POLE: variants seen among roughly 807,000 people sequenced by gnomAD.
The protein encoded by POLE is DNA polymerase epsilon catalytic subunit A.
A neutral mutation model predicts 279.2 loss-of-function variants in POLE; 188 were observed. That is an observed-to-expected ratio of 0.67 (90% confidence interval 0.60 to 0.76). The LOEUF (loss-of-function observed/expected upper bound fraction) is 0.76. Among genes scored for constraint, POLE ranks in the 30% least tolerant of loss-of-function variants. POLE has a pLI of 0.00. For synonymous variants in POLE, 1,214 were observed against 1,172.5 expected, an observed-to-expected ratio of 1.04 and a Z score of -0.72; for missense variants, 2,703 against 3,016.7, an observed-to-expected ratio of 0.90 and a Z score of 2.44.
At chr12:132,676,226 C>G in intron 9 of POLE, 22 bp from the exon 10 acceptor site, 6 of 1,518,784 alleles carry the variant, frequency 4.0e-6, no homozygotes, top group Non-Finnish European at 5.5e-6. Flanking sequence ...CATTAGCAAT[C>G]AGCACAAGTC....
intron 14 of POLE, 139 bp from the exon 15 acceptor site, chr12:132,672,978 G>A: frequency 1.2e-6 from 1 of 845,706 alleles, no homozygotes; most frequent in Non-Finnish European, 1.9e-6. Context: ...TCTGCCTCCT[G>A]TGGTTTCTTC....
rs2042069041 is a variant in POLE at position 132,638,042 on chromosome 12, T to C, written c.5650A>G (p.Ile1884Val). The change falls in exon 41 of 49, where the codon ATC becomes GTC. Residue 1884 changes from isoleucine (I) to valine (V), a missense_variant. By Grantham distance (29) the Ile-to-Val change is conservative. Coordinates refer to ENST00000320574, the MANE Select transcript of POLE (RefSeq NM_006231.4). ...CTKKRRVEDA[I>V]AYVEYITSSI... ...CTGGTGATGTACTCCACGTAAGCGA[T>C]GGCATCTTCCACACGGCGCTTCTTT... The C allele has an allele frequency of 6.2e-7, 1 of 1,614,030 alleles. No homozygotes were observed. Among genetic ancestry groups the C allele is most frequent in the Non-Finnish European group, 8.5e-7 (1 of 1,179,962 alleles).
intron 45 of POLE, among the ~76,000 whole-genome samples, chr12:132,627,711 G>T (rs1182444536): frequency 4.6e-5 from 7 of 152,156 alleles, no homozygotes; most frequent in African/African-American, 7.2e-5. Context: ...AAATATTAAC[G>T]ATCATCTGAG....
At position 132,634,106 on chromosome 12, in the gene POLE, G is replaced by C. The variant is rs1309659065; in HGVS notation, c.6004+80C>G. The C allele has an allele frequency of 1.6e-6, 2 of 1,286,326 alleles. No homozygotes were observed. Among genetic ancestry groups the C allele is most frequent in the East Asian group, 2.4e-5 (1 of 42,020 alleles). The allele number at this position is 1,286,326 out of a possible 1,614,324, so 79.7% of individuals were successfully genotyped here. On this transcript the variant is annotated intron_variant, in intron 43 of 48. Transcript: ENST00000320574. The surrounding 1 kb of genome is among the most constrained non-coding windows in gnomAD (Gnocchi z 4.0). ...TGATTTTCCCTGTCTCCCTTCTTGC[G>C]ATACCATGGCACAGGAGCCACATCT...
Position 132,672,395 on chromosome 12 carries a change from T to C in POLE, c.1687-73A>G, listed in dbSNP as rs1593069883. 7 of 1,263,370 alleles carry C rather than the reference T, an allele frequency of 5.5e-6. No individual in the cohort carries two copies. The South Asian group carries it at 8.3e-5, about 15-fold the overall frequency. The allele number at this position is 1,263,370 out of a possible 1,614,324, so 78.3% of individuals were successfully genotyped here. ...CTAGCCTGCCTCAGGTTTGACGCTG[T>C]GGCTGCACGTGGCAGGTTGTGCCCG... On this transcript the variant is annotated intron_variant, in intron 15 of 48. Coordinates refer to ENST00000320574, the MANE Select transcript of POLE (RefSeq NM_006231.4).
intron 6 of POLE, 49 bp downstream of exon 6, chr12:132,679,448 T>C (rs752351411): frequency 1.3e-6 from 2 of 1,562,066 alleles, no homozygotes; most frequent in Non-Finnish European, 1.7e-6. Flanking sequence ...CTCCTATCCA[T>C]CTTGTCGTTC....
intron 13 of POLE, 134 bp from the exon 14 acceptor site, chr12:132,673,411 C>T (rs547217806): frequency 3.1e-5 from 37 of 1,195,260 alleles, no homozygotes; most frequent in Non-Finnish European, 4.1e-5. Flanking sequence ...GGACAAAACA[C>T]GTGTGTCCCG....
chr12:132,641,391 G>A (rs969665876), intron 39 of POLE: 2 of 548,914 alleles, frequency 3.6e-6, no homozygotes, highest in South Asian at 2.1e-5. Context: ...GCCCTGGTTA[G>A]AAAGACTCTG....
In POLE at chr12:132,677,693, G is replaced by A. The variant is rs1432402314; in HGVS notation, c.605C>T (p.Thr202Ile). Residue 202 changes from threonine (T) to isoleucine (I), a missense_variant, in exon 7 of 49, where the codon ACT becomes ATT. Thr to Ile is a moderately conservative substitution (Grantham distance 89). Transcript: ENST00000320574. ...SSVLQRGGVI[T>I]DEEETSKKIA... ...CTTCTTAGAGGTTTCCTCTTCATCA[G>A]TAATGACACCGCCCCTCTGCAGAAC... is the stretch of plus-strand genomic sequence containing the variant. The A allele has an allele frequency of 1.9e-6, 3 of 1,614,144 alleles. No individual in the cohort carries two copies. Among genetic ancestry groups the A allele is most frequent in the Non-Finnish European group, 2.5e-6 (3 of 1,180,008 alleles).
intron 9 of POLE, 107 bp downstream of exon 9, chr12:132,676,439 C>A (rs1168990893): frequency 1.2e-5 from 10 of 805,398 alleles, no homozygotes; most frequent in Non-Finnish European, 1.9e-5. Context: ...TGGACTAACT[C>A]ATTATTCACT....
intron 12 of POLE, among the ~76,000 whole-genome samples, chr12:132,674,202 GGC>G (rs1565973771): frequency 9.4e-6 from 1 of 105,994 alleles, no homozygotes; most frequent in Non-Finnish European, 1.8e-5. Context: ...AAGAAAAGAA[GGC>G]CCCCCACACT....
chr12:132,681,635 C>T (rs1045895593), intron 1 of POLE, among the ~76,000 whole-genome samples: 4 of 152,062 alleles, frequency 2.6e-5, no homozygotes, highest in Non-Finnish European at 4.4e-5. Context: ...TTAAGTGTTT[C>T]GGATATGACA....
At chr12:132,681,395 G>C in intron 1 of POLE, 116 bp from the exon 2 acceptor site, 2 of 1,015,306 alleles carry the variant, frequency 2.0e-6, no homozygotes, top group Non-Finnish European at 2.8e-6. Flanking sequence ...CTAGGCTGGA[G>C]TGCAGTGGTG....
At chr12:132,678,048 C>T (rs1261916366) in intron 6 of POLE, among the ~76,000 whole-genome samples, 2 of 152,054 alleles carry the variant, frequency 1.3e-5, no homozygotes, top group Non-Finnish European at 2.9e-5. Flanking sequence ...CGTGGTGGCG[C>T]ATGTCTGTAA....
chr12:132,633,864 T>C, intron 43 of POLE: 1 of 255,398 alleles, frequency 3.9e-6, no homozygotes, highest in East Asian at 7.4e-5. Flanking sequence ...TGGGAATGTA[T>C]GTGACTGAGT....
rs1555225176 is a variant in POLE at position 132,657,303 on chromosome 12, G to C, written c.3460-45C>G. The stretch of plus-strand genomic sequence containing the variant: ...ATCAGAGAGAGACCCTTGTCTAACT[G>C]CACAGTTTTTAGCCCCACAGCCCGT... On this transcript the variant is annotated intron_variant, in intron 28 of 48. Coordinates refer to ENST00000320574, the MANE Select transcript of POLE (RefSeq NM_006231.4). The C allele has an allele frequency of 4.3e-6, 7 of 1,614,036 alleles. No individual in the cohort carries two copies. In the South Asian group the frequency reaches 7.7e-5, roughly 18 times the overall value.
chr12:132,669,517 T>C (rs1029547676), intron 16 of POLE, among the ~76,000 whole-genome samples: 1 of 149,782 alleles, frequency 6.7e-6, no homozygotes, highest in Non-Finnish European at 1.5e-5. Context: ...GTAGTAAAAA[T>C]AGAAAACACA....
Position 132,632,323 on chromosome 12 carries a change from C to A in POLE, c.6322G>T (p.Val2108Leu), listed in dbSNP as rs776551240. 3 of 1,613,584 alleles carry A rather than the reference C, an allele frequency of 1.9e-6. No individual in the cohort carries two copies. Among genetic ancestry groups the A allele is most frequent in the African/African-American group, 1.3e-5 (1 of 74,904 alleles). The change falls in exon 45 of 49, where the codon GTG becomes TTG. Residue 2108 changes from valine to leucine, a missense_variant. Transcript: ENST00000320574. ...CACGCTGGCACTCTCACCTTGCACACGTATTTGATGAACTCCAGGGCAGGG... is the reference window on the plus strand; with the variant it reads ...CACGCTGGCACTCTCACCTTGCACAAGTATTTGATGAACTCCAGGGCAGGG... ...NNPALEFIKY[V>L]CKVLSLDTNI... is the part of the protein sequence containing the mutation.
chr12:132,628,091 C>A (rs1220767427), intron 45 of POLE, among the ~76,000 whole-genome samples: 8 of 152,190 alleles, frequency 5.3e-5, no homozygotes, highest in Non-Finnish European at 1.2e-4. Context: ...CGCCTGTAAT[C>A]CCAGCACTTT....
Sources: gnomAD v4.1 joint callset for allele counts (sites outside exome capture counted in the v4.1 genomes callset) on GRCh38, gnomAD v4.1.1 for gene constraint, Gnocchi (gnomAD v3.1) non-coding constraint, MANE v1.5 for transcripts, NCBI Gene and HGNC (gene_info 2026-07-23, HGNC 2026-07-21) for gene names.